Variants in CCDC146 observed in about 807,000 individuals in gnomAD.
The protein encoded by CCDC146 is coiled-coil domain containing 146.
In CCDC146, 92 loss-of-function variants were observed where a neutral mutation model predicts 119.3. The ratio of observed to expected loss-of-function variants is 0.77; its 90% CI spans 0.65 to 0.92. The LOEUF (loss-of-function observed/expected upper bound fraction) is 0.92, where lower values mean the gene tolerates loss of function less well. Among genes scored for constraint, CCDC146 ranks in the 40% least tolerant of loss-of-function variants. The pLI, the probability that CCDC146 is intolerant of heterozygous loss-of-function variation, is 0.00. For missense variants in CCDC146, 1,000 were observed against 1,103.0 expected (o/e 0.91, Z 1.32); for synonymous variants, 372 against 371.8 (o/e 1.00, Z -0.01).
chr7:77,260,784 G>A (rs903720813), intron 8 of CCDC146, among the ~76,000 whole-genome samples: 9 of 40,096 alleles, frequency 2.2e-4, no homozygotes, highest in Non-Finnish European at 3.9e-4. Flanking sequence ...GCACCACCAC[G>A]CCCGGCTAAT....
intron 9 of CCDC146, among the ~76,000 whole-genome samples, chr7:77,271,510 G>T (rs1793514671): frequency 7.0e-5 from 5 of 71,584 alleles, no homozygotes; most frequent in South Asian, 4.7e-4. Flanking sequence ...CACACTAATA[G>T]GAGATATATA....
At chr7:77,261,089 A>G (rs78095786) in intron 8 of CCDC146, among the ~76,000 whole-genome samples, 2,502 of 151,404 alleles carry the variant, frequency 0.017, 40 homozygotes, top group Non-Finnish European at 0.025. Context: ...TGATTCCAAC[A>G]TGAGAATAGT....
At chr7:77,134,565 G>GTC (rs1204735694) in intron 1 of CCDC146, among the ~76,000 whole-genome samples, 7 of 49,732 alleles carry the variant, frequency 1.4e-4, no homozygotes, top group East Asian at 1.5e-3. Context: ...GTGTGTGTCT[G>GTC]TGTGTGTGTG....
At chr7:77,224,525 C>T (rs531018395) in intron 2 of CCDC146, among the ~76,000 whole-genome samples, 1 of 152,316 alleles carries the variant, frequency 6.6e-6, no homozygotes, top group Admixed American at 6.5e-5. Flanking sequence ...TGCAAAGTCT[C>T]TTTTGTCATG....
intron 11 of CCDC146, among the ~76,000 whole-genome samples, chr7:77,276,799 G>T (rs576259842): frequency 6.6e-5 from 10 of 152,168 alleles, no homozygotes; most frequent in African/African-American, 2.2e-4. Flanking sequence ...GGCCAGGAGC[G>T]GTCTCTCACG....
chr7:77,196,506 G>A lies in CCDC146; in HGVS notation c.156+28682G>A, dbSNP rs747588219. On this transcript the variant is annotated intron_variant, in intron 2 of 18. Transcript: ENST00000285871. The surrounding 1 kb of genome is among the most constrained non-coding windows in gnomAD (Gnocchi z 4.2). ...AGCCCACAGTTCCCAGAAGGATATC[G>A]ATCATTGTCTTTATCTGGAGTGGTG... 1.4e-5 allele frequency: 23 copies of A among 1,613,916 alleles called. No homozygotes were observed. The Admixed American group carries it at 2.2e-4, about 15-fold the overall frequency.
intron 8 of CCDC146, among the ~76,000 whole-genome samples, chr7:77,260,734 C>G: frequency 6.6e-6 from 1 of 152,170 alleles, no homozygotes; most frequent in Non-Finnish European, 1.5e-5. Context: ...TCAAGTGATT[C>G]TCCTGCCTCA....
intron 9 of CCDC146, among the ~76,000 whole-genome samples, chr7:77,266,910 C>A (rs3108435): frequency 0.94 from 142,489 of 152,122 alleles, 66,868 homozygotes; most frequent in African/African-American, 0.98. Flanking sequence ...AGATCATACT[C>A]TAAAAGCAAA....
Position 77,274,583 on chromosome 7 carries a change from CCTT to C in CCDC146, c.1374_1376del (p.Leu459del), listed in dbSNP as rs1476317695. The C allele has an allele frequency of 1.2e-6, 2 of 1,613,284 alleles. No individual in the cohort carries two copies. Among genetic ancestry groups the C allele is most frequent in the African/African-American group, 2.7e-5 (2 of 74,994 alleles). On this transcript the variant is annotated inframe_deletion, in exon 11 of 19. Coordinates refer to ENST00000285871, the MANE Select transcript of CCDC146 (RefSeq NM_020879.3). ...AAAACATGAAAGAGCTAGTAGTCAA[CCTT>C]CTCCGCATGACTCAAATCAAAATTG... is the stretch of plus-strand genomic sequence containing the variant.
rs1307193106 is a variant in CCDC146, at chr7:77,122,663, T to A, written c.-81T>A. The A allele has an allele frequency of 5.4e-6, 1 of 184,714 alleles. No homozygotes were observed. Among genetic ancestry groups the A allele is most frequent in the Admixed American group, 5.5e-5 (1 of 18,256 alleles). 11.4% of individuals were successfully genotyped at this position (184,714 alleles called of 1,614,324 possible). A position where few individuals can be genotyped will look rare whatever the true frequency, so the allele number is the denominator to read the frequency against. Reference sequence around the variant, plus strand: ...GTTTGGAGAGGGTGGAGCTTTGGAGTGAGACCCAGGAGGCCAAATCCCAAA... The same window carrying A: ...GTTTGGAGAGGGTGGAGCTTTGGAGAGAGACCCAGGAGGCCAAATCCCAAA... On this transcript the variant is annotated 5_prime_UTR_variant, in exon 1 of 19. Transcript: ENST00000285871.
intron 4 of CCDC146, among the ~76,000 whole-genome samples, chr7:77,244,739 G>A (rs1015634247): frequency 6.6e-6 from 1 of 152,156 alleles, no homozygotes; most frequent in Admixed American, 6.5e-5. Flanking sequence ...TATTCCCATT[G>A]TTAAGCAGCA....
chr7:77,215,190 G>GTT (rs34787359), intron 2 of CCDC146, among the ~76,000 whole-genome samples: 16,880 of 142,382 alleles, frequency 0.12, 1,151 homozygotes, highest in Non-Finnish European at 0.16. Flanking sequence ...TTTTTTTGGT[G>GTT]TTTTTTTTTT....
At chr7:77,259,332 T>C in intron 7 of CCDC146, 1 of 363,794 alleles carries the variant, frequency 2.7e-6, no homozygotes, top group Non-Finnish European at 5.0e-6. Flanking sequence ...AGAAGTTCAA[T>C]TGACTTTAAC....
intron 2 of CCDC146, among the ~76,000 whole-genome samples, chr7:77,192,653 G>T (rs149766128): frequency 6.6e-6 from 1 of 152,178 alleles, no homozygotes; most frequent in Non-Finnish European, 1.5e-5. Context: ...GGCCGGGCAC[G>T]GTGGCTAATG....
chr7:77,294,466 G>A (rs1160684657), intron 18 of CCDC146, among the ~76,000 whole-genome samples, 197 bp from the exon 19 acceptor site: 10 of 57,626 alleles, frequency 1.7e-4, no homozygotes, highest in African/African-American at 5.8e-4. Flanking sequence ...AGAGGTAGGT[G>A]TGTGTGTGTG....
At chr7:77,224,248 G>T (rs1358187113) in intron 2 of CCDC146, among the ~76,000 whole-genome samples, 3 of 152,274 alleles carry the variant, frequency 2.0e-5, no homozygotes, top group East Asian at 3.9e-4. Context: ...CTTTCTGGAG[G>T]CTCCAGGGGA....
intron 1 of CCDC146, among the ~76,000 whole-genome samples, chr7:77,125,221 A>G (rs1790676502): frequency 6.6e-6 from 1 of 151,726 alleles, no homozygotes; most frequent in Non-Finnish European, 1.5e-5. Flanking sequence ...ATGCTCCCAA[A>G]TAAGACAGTA....
At chr7:77,162,959 A>T (rs1791284224) in intron 1 of CCDC146, among the ~76,000 whole-genome samples, 1 of 152,202 alleles carries the variant, frequency 6.6e-6, no homozygotes, top group Non-Finnish European at 1.5e-5. Flanking sequence ...CTGTGCAAAT[A>T]CTTTACTTGC....
At chr7:77,147,262 A>G (rs1384309134) in intron 1 of CCDC146, among the ~76,000 whole-genome samples, 1 of 152,162 alleles carries the variant, frequency 6.6e-6, no homozygotes, top group East Asian at 1.9e-4. Flanking sequence ...CAGCTCCATC[A>G]GGTCCTTTAA....
Sources: gnomAD v4.1 joint callset for allele counts (sites outside exome capture counted in the v4.1 genomes callset) on GRCh38, gnomAD v4.1.1 for gene constraint, Gnocchi (gnomAD v3.1) non-coding constraint, MANE v1.5 for transcripts, NCBI Gene and HGNC (gene_info 2026-07-23, HGNC 2026-07-21) for gene names.